RASSF5: variants seen among roughly 807,000 people sequenced by gnomAD.
RASSF5 encodes ras association domain-containing protein 5.
In RASSF5, 25 loss-of-function variants were observed where a neutral mutation model predicts 40.5. That is an observed-to-expected ratio of 0.62 (90% CI 0.45 to 0.86). RASSF5 has a LOEUF of 0.86. Among genes scored for constraint, RASSF5 ranks in the 40% least tolerant of loss-of-function variants. The pLI is 0.00. For missense variants in RASSF5, 521 were observed against 572.8 expected, an observed-to-expected ratio of 0.91 and a Z score of 0.92; for synonymous variants, 246 against 252.4, an observed-to-expected ratio of 0.97 and a Z score of 0.24.
At chr1:206,557,708 G>A (rs1553401992) in intron 2 of RASSF5, 1 of 1,613,618 alleles carries the variant, frequency 6.2e-7, no homozygotes, top group Non-Finnish European at 8.5e-7. Context: ...ACATAATAAT[G>A]GAATGCAGGA....
rs576545602 is a variant in RASSF5 at position 206,555,685 on chromosome 1, G to A, written c.579+17392G>A. Among the ~76,000 whole-genome samples, 4 of 152,320 alleles carry A rather than the reference G, an allele frequency of 2.6e-5. No homozygotes were observed. The East Asian group carries it at 7.7e-4, about 29-fold the overall frequency. On this transcript the variant is annotated intron_variant, in intron 2 of 5. Transcript: ENST00000579436. ...TGCCTGCCAGAGAAGACAGCTACTG[G>A]TATTGACAGTTCTCCTGCACCGAGG...
intron 1 of RASSF5, among the ~76,000 whole-genome samples, chr1:206,520,929 C>G (rs1476308250): frequency 6.6e-5 from 10 of 152,122 alleles, no homozygotes; most frequent in Non-Finnish European, 2.9e-5. Flanking sequence ...GTCTGCCCCT[C>G]CATTGTACCT....
At chr1:206,571,759 A>C (rs1668459292) in intron 2 of RASSF5, among the ~76,000 whole-genome samples, 1 of 152,190 alleles carries the variant, frequency 6.6e-6, no homozygotes, top group African/African-American at 2.4e-5. Context: ...TGGTCAGATG[A>C]AGGGCTCAGG....
rs782501394 is a variant in RASSF5 at position 206,518,559 on chromosome 1, A to G, written c.457+10500A>G. The G allele has an allele frequency of 3.8e-5, 15 of 398,374 alleles. No homozygotes were observed. The East Asian group carries it at 5.0e-4, about 13-fold the overall frequency. 24.7% of individuals were successfully genotyped at this position (398,374 alleles called of 1,614,324 possible). A position where few individuals can be genotyped will look rare whatever the true frequency, so the allele number is the denominator to read the frequency against. On this transcript the variant is annotated intron_variant, in intron 1 of 5. Coordinates refer to ENST00000579436, the MANE Select transcript of RASSF5 (RefSeq NM_182663.4). ...GAGGGCTCGGGGTAGGTCTAAGCCA[A>G]TCTGACTGGGGGAGCTTGGGTTCTG...
chr1:206,546,087 CTATTTTTTTTTTTTT>C (rs1667679612), intron 2 of RASSF5, among the ~76,000 whole-genome samples: 18 of 26,440 alleles, frequency 6.8e-4, no homozygotes, highest in African/African-American at 2.2e-3. Flanking sequence ...TCTTCTTTTT[CTATTTTTTTTTTTTT>C]TTTTTTTTTT....
intron 2 of RASSF5, among the ~76,000 whole-genome samples, chr1:206,561,295 C>T (rs1486349422): frequency 2.0e-5 from 3 of 152,224 alleles, no homozygotes; most frequent in Non-Finnish European, 4.4e-5. Context: ...TTCTCTTCTT[C>T]TTGGTCTTTT....
chr1:206,508,199 C>A, intron 1 of RASSF5, 140 bp downstream of exon 1: 2 of 616,338 alleles, frequency 3.2e-6, no homozygotes, highest in Non-Finnish European at 5.0e-6. Flanking sequence ...AGATAACAAC[C>A]CCTGGGGACA....
chr1:206,569,494 G>C (rs1193592097), intron 2 of RASSF5, among the ~76,000 whole-genome samples: 1 of 152,220 alleles, frequency 6.6e-6, no homozygotes, highest in Non-Finnish European at 1.5e-5. Context: ...ATCTGGACAA[G>C]GGAAGAAGCC....
chr1:206,523,422 ATT>A lies in RASSF5; in HGVS notation c.458-14749_458-14748del, dbSNP rs1558497917. The stretch of plus-strand genomic sequence containing the variant: ...TAAATATAAATATTATATATTATAT[ATT>A]ATATAATATATTTTATATATAATAT... On this transcript the variant is annotated intron_variant, in intron 1 of 5. Transcript: ENST00000579436. Among the ~76,000 whole-genome samples the A allele has an allele frequency of 5.1e-5, 6 of 117,578 alleles. No homozygotes were observed. In the East Asian group the frequency reaches 1.2e-3, roughly 24 times the overall value. 77.1% of individuals were successfully genotyped at this position (117,578 alleles called of 152,430 possible).
intron 1 of RASSF5, among the ~76,000 whole-genome samples, chr1:206,536,576 A>G (rs1667417623): frequency 6.6e-6 from 1 of 152,152 alleles, no homozygotes; most frequent in South Asian, 2.1e-4. Flanking sequence ...AAGCTCCCCA[A>G]AAGTGGGGAG....
chr1:206,559,294 C>T (rs1432373481), intron 2 of RASSF5, among the ~76,000 whole-genome samples: 1 of 152,218 alleles, frequency 6.6e-6, no homozygotes, highest in Non-Finnish European at 1.5e-5. Context: ...GCTGCAAGCC[C>T]TCAGTTTCAG....
In RASSF5 at chr1:206,538,225, A is replaced by C; in HGVS notation, c.511A>C (p.Ser171Arg). 1 of 1,614,228 alleles carries C rather than the reference A, an allele frequency of 6.2e-7. No individual in the cohort carries two copies. Among genetic ancestry groups the C allele is most frequent in the Non-Finnish European group, 8.5e-7 (1 of 1,180,032 alleles). Residue 171 changes from serine to arginine, a missense_variant, in exon 2 of 6, where the codon AGT (serine) becomes CGT (arginine). Around this residue, in one of 2 missense-constraint regions of RASSF5, gnomAD observed 284 missense variants for 360.8 expected, o/e 0.79. Coordinates refer to ENST00000579436, the MANE Select transcript of RASSF5 (RefSeq NM_182663.4). ...CCGCAGCCTGATCCAGTTGGACTGC[A>C]GTCAGCAGGAGGGTTTATCCCGGGA... is the stretch of plus-strand genomic sequence containing the variant. ...ECRSLIQLDC[S>R]QQEGLSRDRP... is the part of the protein sequence containing the mutation.
At chr1:206,555,892 G>T (rs1483873247) in intron 2 of RASSF5, among the ~76,000 whole-genome samples, 3 of 152,208 alleles carry the variant, frequency 2.0e-5, no homozygotes, top group Non-Finnish European at 4.4e-5. Flanking sequence ...TCTCATGAAG[G>T]TAGCCAGAGC....
rs1666661841 is a variant in RASSF5 at position 206,513,151 on chromosome 1, G to A, written c.457+5092G>A. Among the ~76,000 whole-genome samples the A allele has an allele frequency of 6.6e-6, 1 of 152,198 alleles. No homozygotes were observed. Among genetic ancestry groups the A allele is most frequent in the South Asian group, 2.1e-4 (1 of 4,836 alleles). On this transcript the variant is annotated intron_variant, in intron 1 of 5. Transcript: ENST00000579436. The surrounding 1 kb of genome is among the most constrained non-coding windows in gnomAD (Gnocchi z 5.0). Reference sequence around the variant, plus strand: ...GAGAGGCTGCTACCTGAGGTGGGATGGCCATGGGTGGGTCCCAGCTCCTGC... The same window carrying A: ...GAGAGGCTGCTACCTGAGGTGGGATAGCCATGGGTGGGTCCCAGCTCCTGC...
chr1:206,574,405 T>C (rs1300510320), intron 2 of RASSF5, among the ~76,000 whole-genome samples: 1 of 152,204 alleles, frequency 6.6e-6, no homozygotes, highest in Non-Finnish European at 1.5e-5. Context: ...TTCACGATCC[T>C]CACCCATAGG....
At position 206,557,438 on chromosome 1, in the gene RASSF5, C is replaced by A; in HGVS notation, c.579+19145C>A. 3 of 1,428,092 alleles carry A rather than the reference C, an allele frequency of 2.1e-6. No individual in the cohort carries two copies. In the East Asian group the frequency reaches 7.8e-5, roughly 37 times the overall value. The allele number at this position is 1,428,092 out of a possible 1,614,324, so 88.5% of individuals were successfully genotyped here. ...GGCTCTGCCTGGTCCGCTACCCGAC[C>A]AGCTCCCGGCTCGGGGCTCAGAGCT... On this transcript the variant is annotated intron_variant, in intron 2 of 5. Coordinates refer to ENST00000579436, the MANE Select transcript of RASSF5 (RefSeq NM_182663.4).
intron 1 of RASSF5, among the ~76,000 whole-genome samples, chr1:206,511,510 G>GC (rs1277092965): frequency 6.6e-6 from 1 of 152,218 alleles, no homozygotes; most frequent in African/African-American, 2.4e-5. Flanking sequence ...TCCTGGAGAT[G>GC]CTTAGACACA....
At chr1:206,571,852 AG>A (rs2103553137) in intron 2 of RASSF5, among the ~76,000 whole-genome samples, 1 of 152,322 alleles carries the variant, frequency 6.6e-6, no homozygotes, top group East Asian at 1.9e-4. Flanking sequence ...AAACACCCAA[AG>A]GAAGACCTTC....
At chr1:206,582,525 T>C (rs1572368934) in intron 2 of RASSF5, among the ~76,000 whole-genome samples, 1 of 152,206 alleles carries the variant, frequency 6.6e-6, no homozygotes, top group Non-Finnish European at 1.5e-5. Context: ...TATGAGATAA[T>C]GTATGCCAAG....
Sources: allele counts gnomAD v4.1 joint callset (sites outside exome capture counted in the v4.1 genomes callset), GRCh38; gene constraint gnomAD v4.1.1; regional missense constraint gnomAD v4.1.1; non-coding constraint Gnocchi (gnomAD v3.1); transcripts MANE v1.5; gene names NCBI Gene and HGNC (gene_info 2026-07-23, HGNC 2026-07-21).